IL21R: variants seen among roughly 807,000 people sequenced by gnomAD.
The protein encoded by IL21R is interleukin 21 receptor.
A neutral mutation model predicts 41.3 loss-of-function variants in IL21R; 14 were observed. The observed-to-expected ratio is 0.34, with a 90% CI of 0.22 to 0.53. IL21R has a LOEUF of 0.53. Ranked by LOEUF, IL21R falls within the 20% of genes least tolerant of loss-of-function variation. The probability of loss-of-function intolerance (pLI) is 0.94; values close to 1 mark genes in which losing one functional copy is unlikely to be tolerated. For missense variants in IL21R, 588 were observed against 681.6 expected (o/e 0.86, Z 1.53); for synonymous variants, 286 against 287.6 (o/e 0.99, Z 0.05).
intron 1 of IL21R, chr16:27,427,405 GT>G: frequency 1.2e-6 from 1 of 846,104 alleles, no homozygotes; most frequent in Non-Finnish European, 1.4e-6. Context: ...TTGTCTGTTT[GT>G]TTTTTTAAAG....
At chr16:27,425,995 T>C (rs915967962) in intron 1 of IL21R, among the ~76,000 whole-genome samples, 7 of 152,246 alleles carry the variant, frequency 4.6e-5, no homozygotes, top group Admixed American at 3.3e-4. Context: ...GTATTTAGTT[T>C]TATGGTAAGT....
intron 1 of IL21R, among the ~76,000 whole-genome samples, chr16:27,406,259 C>G (rs1409664755): frequency 2.0e-5 from 3 of 152,260 alleles, no homozygotes; most frequent in African/African-American, 7.2e-5. Context: ...CACTGCTCTA[C>G]AAGCGGCCCC....
At chr16:27,404,559 A>G (rs962178675) in intron 1 of IL21R, among the ~76,000 whole-genome samples, 1 of 152,110 alleles carries the variant, frequency 6.6e-6, no homozygotes, top group African/African-American at 2.4e-5. Flanking sequence ...AATGAAAGGA[A>G]CGGGGTATCC....
chr16:27,443,429 C>T (rs2141307215), intron 5 of IL21R, among the ~76,000 whole-genome samples: 1 of 152,270 alleles, frequency 6.6e-6, no homozygotes, highest in Non-Finnish European at 1.5e-5. Context: ...AATGGGGCAA[C>T]CTGGAAGCTT....
chr16:27,404,769 T>G (rs1171435179), intron 1 of IL21R, among the ~76,000 whole-genome samples: 3 of 152,218 alleles, frequency 2.0e-5, no homozygotes, highest in African/African-American at 4.8e-5. Context: ...TTAGTACCTG[T>G]GTGACCTTGA....
rs984221208 is a variant in IL21R, at chr16:27,451,957, T to C, written c.*2674T>C. On this transcript the variant is annotated 3_prime_UTR_variant, in exon 9 of 9. Transcript: ENST00000337929. Reference sequence around the variant, plus strand: ...AAAGATAAAGATAAAACACAAGTTATACCAGGCCAGCAACTCTATTTTGTT... The same window carrying C: ...AAAGATAAAGATAAAACACAAGTTACACCAGGCCAGCAACTCTATTTTGTT... The C allele has an allele frequency of 1.3e-4, 30 of 229,678 alleles. No homozygotes were observed. Among genetic ancestry groups the C allele is most frequent in the Admixed American group, 1.1e-4 (2 of 17,660 alleles). 14.2% of individuals were successfully genotyped at this position (229,678 alleles called of 1,614,324 possible).
intron 1 of IL21R, among the ~76,000 whole-genome samples, chr16:27,416,481 C>T (rs967271841): frequency 1.3e-5 from 2 of 152,086 alleles, no homozygotes; most frequent in Admixed American, 1.3e-4. Flanking sequence ...TTCATTTCAC[C>T]CTACAGTAAC....
chr16:27,450,462 T>C lies in IL21R; in HGVS notation c.*1179T>C. 8.7e-6 allele frequency: 2 copies of C among 230,456 alleles called. No individual in the cohort carries two copies. The highest frequency in any genetic ancestry group is 1.7e-5 in the Non-Finnish European group (2 of 116,236). 14.3% of individuals were successfully genotyped at this position (230,456 alleles called of 1,614,324 possible). On this transcript the variant is annotated 3_prime_UTR_variant, in exon 9 of 9. Coordinates refer to ENST00000337929, the MANE Select transcript of IL21R (RefSeq NM_181078.3). ...TCAATCCTGCCAATAAATCCTGTCT[T>C]ATTTGTTCATCCTGGAGAATTGAAG...
intron 2 of IL21R, among the ~76,000 whole-genome samples, chr16:27,431,025 C>T (rs560197663): frequency 2.0e-5 from 3 of 152,150 alleles, no homozygotes; most frequent in South Asian, 2.1e-4. Context: ...AAGGGCACTG[C>T]CTAGGACTAA....
chr16:27,448,740 G>T lies in IL21R; in HGVS notation c.1074G>T (p.Ser358=). 1 of 1,613,496 alleles carries T rather than the reference G, an allele frequency of 6.2e-7. No individual in the cohort carries two copies. Among genetic ancestry groups the T allele is most frequent in the Admixed American group, 1.7e-5 (1 of 60,026 alleles). Residue 358 remains serine, a synonymous_variant, in exon 9 of 9, where the codon TCG becomes TCT. Coordinates refer to ENST00000337929, the MANE Select transcript of IL21R (RefSeq NM_181078.3). ...GCTTCTGGCCGACAGCCCAGAACTC[G>T]GGGGGCTCAGCTTACAGTGAGGAGA... ...KPSFWPTAQN[S]GGSAYSEERD...
At chr16:27,437,889 C>A (rs560653693) in intron 4 of IL21R, among the ~76,000 whole-genome samples, 27 of 152,254 alleles carry the variant, frequency 1.8e-4, no homozygotes, top group African/African-American at 6.5e-4. Flanking sequence ...GTCTCGAACT[C>A]CTGGGCTCCA....
intron 1 of IL21R, among the ~76,000 whole-genome samples, chr16:27,417,693 G>C (rs1231574121): frequency 2.0e-5 from 3 of 152,056 alleles, no homozygotes; most frequent in South Asian, 2.1e-4. Flanking sequence ...AGCATGATAC[G>C]GTACTGAATA....
chr16:27,407,495 A>C (rs567044541), intron 1 of IL21R, among the ~76,000 whole-genome samples: 2 of 152,214 alleles, frequency 1.3e-5, no homozygotes, highest in Non-Finnish European at 2.9e-5. Context: ...GCATGTCCAA[A>C]GGCCCTGATG....
At chr16:27,447,081 C>T (rs1388660375) in intron 8 of IL21R, among the ~76,000 whole-genome samples, 1 of 152,192 alleles carries the variant, frequency 6.6e-6, no homozygotes, top group East Asian at 1.9e-4. Flanking sequence ...GTGGATGTTC[C>T]ACTGCCCCCA....
intron 1 of IL21R, among the ~76,000 whole-genome samples, chr16:27,409,377 A>G (rs959011853): frequency 1.3e-5 from 2 of 151,228 alleles, no homozygotes; most frequent in African/African-American, 4.8e-5. Flanking sequence ...AATTTTCATG[A>G]AGTTTATTTA....
chr16:27,427,861 T>C (rs1177276616), intron 1 of IL21R, among the ~76,000 whole-genome samples: 1 of 152,200 alleles, frequency 6.6e-6, no homozygotes, highest in Non-Finnish European at 1.5e-5. Flanking sequence ...ACAGGATTCA[T>C]ATTCCTAAAA....
chr16:27,430,144 C>G (rs763169520), intron 2 of IL21R, 24 bp downstream of exon 2: 13 of 1,596,906 alleles, frequency 8.1e-6, no homozygotes, highest in Non-Finnish European at 1.1e-5. Context: ...CCGTGGTCTG[C>G]GGGTGGGGAG....
intron 5 of IL21R, chr16:27,443,894 C>T (rs1359519158): frequency 1.3e-5 from 2 of 151,908 alleles, no homozygotes; most frequent in Non-Finnish European, 2.9e-5. Flanking sequence ...TGTACTGTCT[C>T]TAAAAAATAA....
rs866231576 is a variant in IL21R, at chr16:27,418,964, C to T, written c.-16-11092C>T. On this transcript the variant is annotated intron_variant, in intron 1 of 8. Transcript: ENST00000337929. ...GCATGGTGGCTCATGCCCGTAATCC[C>T]GGCACTTTGGGAGGCCAAGGAGGGC... Among the ~76,000 whole-genome samples, 37 of 151,590 alleles carry T rather than the reference C, an allele frequency of 2.4e-4. 1 individual carries two copies. The highest frequency in any genetic ancestry group is 2.1e-3 in the South Asian group (10 of 4,804).
Sources: gnomAD v4.1 joint callset for allele counts (sites outside exome capture counted in the v4.1 genomes callset) on GRCh38, gnomAD v4.1.1 for gene constraint, MANE v1.5 for transcripts, NCBI Gene and HGNC (gene_info 2026-07-23, HGNC 2026-07-21) for gene names.